TCF4: variants seen among roughly 807,000 people sequenced by gnomAD.
TCF4 encodes SL3-3 enhancer factor 2.
TCF4 carries 3 observed loss-of-function variants against 82.1 expected under a neutral mutation model. The observed-to-expected ratio is 0.04, with a 90% confidence interval of 0.02 to 0.09. The LOEUF (loss-of-function observed/expected upper bound fraction) is 0.09, where lower values mean the gene tolerates loss of function less well. Ranked by LOEUF, TCF4 falls within the 10% of genes least tolerant of loss-of-function variation. TCF4 has a pLI of 1.00. For missense variants in TCF4, 518 were observed against 852.7 expected (o/e 0.61, Z 4.89); for synonymous variants, 276 against 309.6 (o/e 0.89, Z 1.14).
chr18:55,589,617 T>A, upstream of TCF4: 1 of 1,045,104 alleles, frequency 9.6e-7, no homozygotes, highest in Middle Eastern at 4.4e-4. Flanking sequence ...CTCAAACAAT[T>A]CTTGTTGGTG....
chr18:55,525,282 C>T (rs1312570047), intron 3 of TCF4, among the ~76,000 whole-genome samples: 4 of 151,620 alleles, frequency 2.6e-5, no homozygotes, highest in Non-Finnish European at 4.4e-5. Flanking sequence ...CTTCATTCCA[C>T]GTAACCTTTG....
chr18:55,269,740 G>A lies in TCF4; in HGVS notation c.922+91C>T. ...TGTGACTAATATTTAGTGCCTAATT[G>A]CTATTCAGTTATGAAAGGGAAAAAG... On this transcript the variant is annotated intron_variant, in intron 11 of 19. Transcript: ENST00000354452. 1 of 1,513,578 alleles carries A rather than the reference G, an allele frequency of 6.6e-7. No homozygotes were observed. Among genetic ancestry groups the A allele is most frequent in the Admixed American group, 1.7e-5 (1 of 58,562 alleles). The allele number at this position is 1,513,578 out of a possible 1,614,324, so 93.8% of individuals were successfully genotyped here.
chr18:55,497,606 C>A (rs1326102620), intron 3 of TCF4, among the ~76,000 whole-genome samples: 1 of 152,152 alleles, frequency 6.6e-6, no homozygotes, highest in East Asian at 1.9e-4. Flanking sequence ...TTCAACCTAG[C>A]AGTTATATTT....
intron 3 of TCF4, among the ~76,000 whole-genome samples, chr18:55,506,700 G>A (rs966020420): frequency 6.6e-6 from 1 of 152,080 alleles, no homozygotes; most frequent in African/African-American, 2.4e-5. Context: ...TGAAACCTCA[G>A]ATAGCACAAA....
intron 15 of TCF4, among the ~76,000 whole-genome samples, chr18:55,238,259 T>C (rs1455782665): frequency 1.3e-5 from 2 of 152,266 alleles, no homozygotes; most frequent in Admixed American, 6.5e-5. Flanking sequence ...ATTTTATTAA[T>C]ACTCATTGTA....
At chr18:55,474,866 C>G (rs1027315492) in intron 3 of TCF4, among the ~76,000 whole-genome samples, 1 of 152,054 alleles carries the variant, frequency 6.6e-6, no homozygotes, top group Non-Finnish European at 1.5e-5. Context: ...CCGCAACCTC[C>G]TAGGCTTAGG....
At chr18:55,443,424 T>C (rs958629983) in intron 5 of TCF4, among the ~76,000 whole-genome samples, 6 of 152,196 alleles carry the variant, frequency 3.9e-5, no homozygotes, top group African/African-American at 1.2e-4. Flanking sequence ...TAACCCGAAT[T>C]TTCACATAAC....
At chr18:55,270,230 T>C (rs1006359507) in intron 10 of TCF4, among the ~76,000 whole-genome samples, 4 of 152,254 alleles carry the variant, frequency 2.6e-5, no homozygotes, top group Middle Eastern at 3.4e-3. Context: ...TCTCGAAATC[T>C]ACAGATTACT....
chr18:55,478,068 G>T (rs1473885843), intron 3 of TCF4, among the ~76,000 whole-genome samples: 1 of 152,198 alleles, frequency 6.6e-6, no homozygotes, highest in Non-Finnish European at 1.5e-5. Flanking sequence ...CCTGAAGAAT[G>T]ACGATAACCA....
intron 3 of TCF4, among the ~76,000 whole-genome samples, chr18:55,466,368 T>C (rs1191247059): frequency 6.6e-6 from 1 of 152,098 alleles, no homozygotes; most frequent in Non-Finnish European, 1.5e-5. Flanking sequence ...TGGTGGAACT[T>C]GCCTGTAGTC....
chr18:55,375,637 TA>T (rs970780023), intron 6 of TCF4, among the ~76,000 whole-genome samples: 8 of 151,618 alleles, frequency 5.3e-5, no homozygotes, highest in Non-Finnish European at 7.4e-5. Context: ...CTTAAACAAC[TA>T]AAAAAAACTA....
In TCF4 at chr18:55,224,757, G is replaced by A. The variant is rs2046369487; in HGVS notation, c.*3278C>T. On this transcript the variant is annotated 3_prime_UTR_variant, in exon 20 of 20. Transcript: ENST00000354452. ...TGTATAAACATTAGTGTTCCTTGCAGCTACACAGAAGACAAATGGTAAAAA... is the reference window on the plus strand; with the variant it reads ...TGTATAAACATTAGTGTTCCTTGCAACTACACAGAAGACAAATGGTAAAAA... The A allele has an allele frequency of 6.6e-6, 1 of 152,544 alleles. No homozygotes were observed. The highest frequency in any genetic ancestry group is 1.5e-5 in the Non-Finnish European group (1 of 68,002). The allele number at this position is 152,544 out of a possible 1,614,324, so 9.4% of individuals were successfully genotyped here.
At chr18:55,367,187 G>A (rs1184871361) in intron 6 of TCF4, among the ~76,000 whole-genome samples, 3 of 152,310 alleles carry the variant, frequency 2.0e-5, no homozygotes, top group Admixed American at 6.5e-5. Flanking sequence ...GCAATCTGGT[G>A]TAGACCAGCT....
Position 55,431,864 on chromosome 18 carries a change from G to T in TCF4, c.305-28346C>A, listed in dbSNP as rs1256818347. The stretch of plus-strand genomic sequence containing the variant: ...ATGGAAAATGAGATAACTAATGTCG[G>T]GGGGGTCTTCCAAAGAAATGGCAAC... On this transcript the variant is annotated intron_variant, in intron 5 of 19. Coordinates refer to ENST00000354452, the MANE Select transcript of TCF4 (RefSeq NM_001083962.2). 5.3e-5 allele frequency among the ~76,000 whole-genome samples: 8 copies of T among 152,254 alleles called. No individual in the cohort carries two copies. The South Asian group carries it at 1.7e-3, about 32-fold the overall frequency.
chr18:55,447,870 A>C (rs1278117208), intron 5 of TCF4, among the ~76,000 whole-genome samples: 1 of 152,136 alleles, frequency 6.6e-6, no homozygotes, highest in Non-Finnish European at 1.5e-5. Context: ...CCAAAGCCAA[A>C]AACTGAACTT....
intron 8 of TCF4, among the ~76,000 whole-genome samples, chr18:55,298,249 T>G (rs746853836): frequency 6.6e-6 from 1 of 152,210 alleles, no homozygotes; most frequent in Non-Finnish European, 1.5e-5. Context: ...TTCATCTGAG[T>G]GAGAACTGAA....
chr18:55,486,359 A>C (rs543252546), intron 3 of TCF4, among the ~76,000 whole-genome samples: 1 of 152,240 alleles, frequency 6.6e-6, no homozygotes, highest in South Asian at 2.1e-4. Context: ...TGGGAGGCTG[A>C]GGTGGGCAGA....
At chr18:55,277,361 A>T (rs989168234) in intron 9 of TCF4, among the ~76,000 whole-genome samples, 3 of 152,212 alleles carry the variant, frequency 2.0e-5, no homozygotes, top group African/African-American at 7.2e-5. Context: ...TTGAAAACAT[A>T]TATCACTAAA....
At chr18:55,492,051 T>C (rs1282188151) in intron 3 of TCF4, 3 of 152,154 alleles carry the variant, frequency 2.0e-5, no homozygotes, top group Non-Finnish European at 4.4e-5. Flanking sequence ...GCAGTCCTAT[T>C]ATACTTGAGA....
Sources: gnomAD v4.1 joint callset for allele counts (sites outside exome capture counted in the v4.1 genomes callset) on GRCh38, gnomAD v4.1.1 for gene constraint, MANE v1.5 for transcripts, NCBI Gene and HGNC (gene_info 2026-07-23, HGNC 2026-07-21) for gene names.